MDN1: variants seen among roughly 807,000 people sequenced by gnomAD.
The protein encoded by MDN1 is midasin AAA ATPase 1, also known as midasin.
A neutral mutation model predicts 669.2 loss-of-function variants in MDN1; 266 were observed. The ratio of observed to expected loss-of-function variants is 0.40; its 90% confidence interval spans 0.36 to 0.44. The LOEUF is 0.44. MDN1 is among the 20% of genes least tolerant of loss of function. The pLI, the probability that MDN1 is intolerant of heterozygous loss-of-function variation, is 1.00. For synonymous variants in MDN1, 2,385 were observed against 2,457.1 expected (o/e 0.97, Z 0.87); for missense variants, 5,940 against 6,754.0 (o/e 0.88, Z 4.22).
chr6:89,722,370 G>A (rs1404975529), intron 40 of MDN1, among the ~76,000 whole-genome samples: 4 of 152,198 alleles, frequency 2.6e-5, no homozygotes, highest in Non-Finnish European at 5.9e-5. Context: ...CTTGGTGCCT[G>A]TAAAGATGGT....
chr6:89,662,809 C>G lies in MDN1; in HGVS notation c.14395G>C (p.Gly4799Arg), dbSNP rs1809893505. The change falls in exon 86 of 102, where the codon GGA (glycine) becomes CGA (arginine). Residue 4799 changes from glycine (G) to arginine (R), a missense_variant. By Grantham distance (125) the Gly-to-Arg change is moderately radical (BLOSUM62 -2). This residue lies in a region of MDN1 where 2,280 missense variants were observed against 2,576.3 expected (regional missense o/e 0.88). Coordinates refer to ENST00000369393, the MANE Select transcript of MDN1 (RefSeq NM_014611.3). The stretch of plus-strand genomic sequence containing the variant: ...TGAATTACCTCATCCATTCCTGGTC[C>G]TGTTTCTTCAGTTTTATTGTCTTCT... ...EEEDNKTEET[G>R]PGMDEEDSEL... The G allele has an allele frequency of 6.2e-7, 1 of 1,613,908 alleles. No homozygotes were observed. Among genetic ancestry groups the G allele is most frequent in the Admixed American group, 1.7e-5 (1 of 59,984 alleles).
At chr6:89,670,831 A>C (rs1036873459) in intron 83 of MDN1, 88 bp downstream of exon 83, 1 of 1,425,226 alleles carries the variant, frequency 7.0e-7, no homozygotes, top group South Asian at 1.4e-5. Flanking sequence ...TGGTGGTCCA[A>C]AATAAAAGCC....
At chr6:89,781,309 C>T in intron 10 of MDN1, 90 bp downstream of exon 10, 2 of 1,313,990 alleles carry the variant, frequency 1.5e-6, no homozygotes, top group Non-Finnish European at 2.2e-6. Context: ...CAAAACTGCA[C>T]CACTGCACTC....
At chr6:89,807,412 A>G (rs775268647) in intron 1 of MDN1, among the ~76,000 whole-genome samples, 44 of 152,182 alleles carry the variant, frequency 2.9e-4, no homozygotes, top group Non-Finnish European at 5.3e-4. Flanking sequence ...AGCATTTTGA[A>G]AGATGTTTCA....
At chr6:89,658,400 A>T in intron 89 of MDN1, 30 bp from the exon 90 acceptor site, 1 of 1,613,464 alleles carries the variant, frequency 6.2e-7, no homozygotes, top group Non-Finnish European at 8.5e-7. Context: ...CACAGCATTA[A>T]ATGCTCTGGG....
Position 89,789,850 on chromosome 6 carries a change from G to A in MDN1, c.1160C>T (p.Thr387Ile), listed in dbSNP as rs1223358703. The A allele has an allele frequency of 1.2e-6, 2 of 1,613,968 alleles. No individual in the cohort carries two copies. The highest frequency in any genetic ancestry group is 4.5e-5 in the East Asian group (2 of 44,890). The change falls in exon 7 of 102, where the codon ACC becomes ATC. Residue 387 changes from threonine (T) to isoleucine (I), a missense_variant. Transcript: ENST00000369393. Reference protein sequence around the residue: ...VPGEFVWQPGTLTQAATMGHW... With the variant: ...VPGEFVWQPGILTQAATMGHW... Reference sequence around the variant, plus strand: ...GCCCATTGTGGCTGCCTGTGTCAGGGTGCCAGGCTGCCACACAAACTCTCC... The same window carrying A: ...GCCCATTGTGGCTGCCTGTGTCAGGATGCCAGGCTGCCACACAAACTCTCC...
chr6:89,684,023 TCA>T, intron 71 of MDN1, 119 bp from the exon 72 acceptor site: 2 of 747,966 alleles, frequency 2.7e-6, no homozygotes, highest in Non-Finnish European at 4.5e-6. Context: ...GGACTGTGTG[TCA>T]GTGAACAAGT....
rs752469113 is a variant in MDN1 at position 89,700,133 on chromosome 6, T to C, written c.8800A>G (p.Met2934Val). Residue 2934 changes from methionine (M) to valine (V), a missense_variant, in exon 57 of 102, where the codon ATG becomes GTG. By Grantham distance (21) the Met-to-Val change is conservative (BLOSUM62 1). Transcript: ENST00000369393. ...CGCCAAAGCATAGCCAGGTACTCCA[T>C]TGCAGGCCACAACTGAACACTCCTG... ...LTRSVQLWPA[M>V]EYLAMLWRYK... 10 of 1,614,078 alleles carry C rather than the reference T, an allele frequency of 6.2e-6. No individual in the cohort carries two copies. The highest frequency in any genetic ancestry group is 5.3e-5 in the African/African-American group (4 of 74,930).
Position 89,643,916 on chromosome 6 carries a change from T to G in MDN1, c.*89A>C. The G allele has an allele frequency of 2.7e-6, 3 of 1,111,924 alleles. No homozygotes were observed. The highest frequency in any genetic ancestry group is 2.6e-5 in the East Asian group (1 of 38,320). The allele number at this position is 1,111,924 out of a possible 1,614,324, so 68.9% of individuals were successfully genotyped here. A position where few individuals can be genotyped will look rare whatever the true frequency, so the allele number is the denominator to read the frequency against. The stretch of plus-strand genomic sequence containing the variant: ...TAAAATAAAAATATTACAATAAAAT[T>G]TTTTGTAGTTGTCCAAAAGGGAGCA... On this transcript the variant is annotated 3_prime_UTR_variant, in exon 102 of 102. Coordinates refer to ENST00000369393, the MANE Select transcript of MDN1 (RefSeq NM_014611.3).
chr6:89,761,932 T>A (rs1817569418), intron 16 of MDN1, among the ~76,000 whole-genome samples, 184 bp from the exon 17 acceptor site: 1 of 152,218 alleles, frequency 6.6e-6, no homozygotes. Flanking sequence ...CATGTATGAA[T>A]ATATATGTAT....
chr6:89,772,815 AT>A, intron 13 of MDN1, 94 bp from the exon 14 acceptor site: 1 of 1,348,934 alleles, frequency 7.4e-7, no homozygotes, highest in Admixed American at 2.2e-5. Context: ...AACAACAAGG[AT>A]GAGAAAACAG....
chr6:89,650,343 G>A (rs1055856157), intron 96 of MDN1, 145 bp from the exon 97 acceptor site: 23 of 774,230 alleles, frequency 3.0e-5, no homozygotes, highest in African/African-American at 5.3e-5. Context: ...GTCAATTGAC[G>A]ACTAAGGATC....
intron 29 of MDN1, among the ~76,000 whole-genome samples, chr6:89,744,121 A>AC (rs1289312521): frequency 8.2e-5 from 12 of 146,022 alleles, no homozygotes; most frequent in Admixed American, 2.1e-4. Context: ...AAAAAAAAAA[A>AC]AAAAAAAAAA....
Position 89,699,930 on chromosome 6 carries a change from A to G in MDN1, c.8870+133T>C. On this transcript the variant is annotated intron_variant, in intron 57 of 101. Coordinates refer to ENST00000369393, the MANE Select transcript of MDN1 (RefSeq NM_014611.3). Reference sequence around the variant, plus strand: ...AACCTTCAATAAATTTTGGCTTTCCAAAGTGGCAAATCACTTCCCTCTGCT... The same window carrying G: ...AACCTTCAATAAATTTTGGCTTTCCGAAGTGGCAAATCACTTCCCTCTGCT... The G allele has an allele frequency of 3.5e-6, 4 of 1,150,266 alleles. No individual in the cohort carries two copies. In the South Asian group the frequency reaches 6.5e-5, roughly 19 times the overall value. The allele number at this position is 1,150,266 out of a possible 1,614,324, so 71.3% of individuals were successfully genotyped here.
chr6:89,769,280 G>A lies in MDN1; in HGVS notation c.2144+2281C>T, dbSNP rs1817968285. 3.3e-5 allele frequency among the ~76,000 whole-genome samples: 5 copies of A among 152,208 alleles called. No individual in the cohort carries two copies. In the South Asian group the frequency reaches 1.0e-3, roughly 32 times the overall value. ...TTTTGGTATTCTCATCTTCTACAATGATTCTTAAACAAGGGAGTCACCTAT... is the reference window on the plus strand; with the variant it reads ...TTTTGGTATTCTCATCTTCTACAATAATTCTTAAACAAGGGAGTCACCTAT... On this transcript the variant is annotated intron_variant, in intron 15 of 101. Transcript: ENST00000369393.
rs1584247966 is a variant in MDN1 at position 89,712,686 on chromosome 6, G to C, written c.7319C>G (p.Pro2440Arg). The part of the protein sequence containing the change: ...LGMGLWPDSV[P>R]SALFATEDSH... The stretch of plus-strand genomic sequence containing the variant: ...ATCTTCAGTAGCAAAGAGAGCTGAG[G>C]GCACAGAATCTGGCCACAGTCCCAT... The change falls in exon 48 of 102, where the codon CCC (proline) becomes CGC (arginine). Residue 2440 changes from proline to arginine, a missense_variant. Pro to Arg is a moderately radical substitution (Grantham distance 103). Around this residue, in one of 5 missense-constraint regions of MDN1, gnomAD observed 2,292 missense variants for 2,638.3 expected, o/e 0.87. Transcript: ENST00000369393. 1 of 1,614,052 alleles carries C rather than the reference G, an allele frequency of 6.2e-7. No homozygotes were observed. The highest frequency in any genetic ancestry group is 2.2e-5 in the East Asian group (1 of 44,884).
chr6:89,689,147 CAG>C (rs546883733), intron 65 of MDN1, among the ~76,000 whole-genome samples: 34 of 152,292 alleles, frequency 2.2e-4, no homozygotes, highest in Middle Eastern at 3.4e-3. Context: ...GCCTGAGAAA[CAG>C]AGCATCAGCA....
At chr6:89,815,599 G>A (rs1246938139) in intron 1 of MDN1, 1 of 175,960 alleles carries the variant, frequency 5.7e-6, no homozygotes, top group Admixed American at 6.3e-5. Context: ...CACAGCCTGA[G>A]AGTGTCTTGG....
chr6:89,741,105 G>A (rs1021043256), intron 31 of MDN1, among the ~76,000 whole-genome samples: 23 of 152,114 alleles, frequency 1.5e-4, no homozygotes, highest in African/African-American at 3.1e-4. Flanking sequence ...GCTGGCTCAC[G>A]CCTGTAATCC....
Sources: gnomAD v4.1 joint callset for allele counts (sites outside exome capture counted in the v4.1 genomes callset) on GRCh38, gnomAD v4.1.1 for gene constraint, gnomAD v4.1.1 regional missense constraint, MANE v1.5 for transcripts, NCBI Gene and HGNC (gene_info 2026-07-23, HGNC 2026-07-21) for gene names.